RNF150: variants seen among roughly 807,000 people sequenced by gnomAD.
RNF150 encodes ring finger protein 150.
RNF150 carries 24 observed loss-of-function variants against 39.3 expected under a neutral mutation model. The observed-to-expected ratio is 0.61, with a 90% CI of 0.44 to 0.86. RNF150 has a LOEUF of 0.86. Ranked by LOEUF, RNF150 falls within the 40% of genes least tolerant of loss-of-function variation. RNF150 has a pLI of 0.00. For missense variants in RNF150, 502 were observed against 587.8 expected (o/e 0.85, Z 1.51); for synonymous variants, 255 against 227.3 (o/e 1.12, Z -1.10).
At chr4:141,101,138 T>C (rs1738994877) in intron 1 of RNF150, among the ~76,000 whole-genome samples, 2 of 152,350 alleles carry the variant, frequency 1.3e-5, no homozygotes, top group East Asian at 1.9e-4. Context: ...AATTATTCTG[T>C]CTTCAATAAT....
chr4:141,091,144 T>C (rs1738565209), intron 1 of RNF150, among the ~76,000 whole-genome samples: 1 of 152,214 alleles, frequency 6.6e-6, no homozygotes. Flanking sequence ...TCCAGCTCTG[T>C]TCCTTACTAG....
chr4:141,139,176 G>T (rs7669929), intron 1 of RNF150, among the ~76,000 whole-genome samples: 9 of 152,070 alleles, frequency 5.9e-5, no homozygotes, highest in African/African-American at 2.2e-4. Context: ...GACCAATCAC[G>T]CCACTGTACT....
intron 1 of RNF150, among the ~76,000 whole-genome samples, chr4:141,169,029 C>A (rs1162657200): frequency 1.3e-5 from 2 of 151,956 alleles, no homozygotes. Context: ...TTTGGAGGGG[C>A]CAGGGACAGA....
intron 1 of RNF150, among the ~76,000 whole-genome samples, chr4:141,034,090 C>T (rs1334462241): frequency 6.6e-6 from 1 of 152,158 alleles, no homozygotes; most frequent in Non-Finnish European, 1.5e-5. Flanking sequence ...GCACTTTCTT[C>T]CAGTGTAAGG....
At chr4:140,971,261 G>A (rs1407134968) in intron 1 of RNF150, among the ~76,000 whole-genome samples, 3 of 151,872 alleles carry the variant, frequency 2.0e-5, no homozygotes, top group Non-Finnish European at 4.4e-5. Context: ...TGGGTGTGAG[G>A]CAGGGAAGGA....
intron 1 of RNF150, among the ~76,000 whole-genome samples, chr4:141,013,935 T>C (rs1424674128): frequency 6.6e-6 from 1 of 152,180 alleles, no homozygotes; most frequent in Non-Finnish European, 1.5e-5. Flanking sequence ...CCATTCCTTA[T>C]GTCTAACTAA....
intron 1 of RNF150, among the ~76,000 whole-genome samples, chr4:141,028,545 T>C (rs769019328): frequency 6.6e-6 from 1 of 152,212 alleles, no homozygotes; most frequent in East Asian, 1.9e-4. Context: ...AAATGGAGTA[T>C]GAATTTTACT....
At chr4:140,988,400 C>A (rs374758831) in intron 1 of RNF150, among the ~76,000 whole-genome samples, 1 of 152,106 alleles carries the variant, frequency 6.6e-6, no homozygotes, top group South Asian at 2.1e-4. Flanking sequence ...TACATCTACA[C>A]TATAGCATGC....
In RNF150 at chr4:140,865,721, T is replaced by C. The variant is rs924177753; in HGVS notation, c.*2540A>G. Reference sequence around the variant, plus strand: ...CAGACCCCTCATCGTCTATGAGGCATCCTGTAAGTGCAGCTGTGGCCAGGG... The same window carrying C: ...CAGACCCCTCATCGTCTATGAGGCACCCTGTAAGTGCAGCTGTGGCCAGGG... On this transcript the variant is annotated 3_prime_UTR_variant, in exon 7 of 7. Coordinates refer to ENST00000515673, the MANE Select transcript of RNF150 (RefSeq NM_020724.2). 1 of 152,608 alleles carries C rather than the reference T, an allele frequency of 6.6e-6. No homozygotes were observed. Among genetic ancestry groups the C allele is most frequent in the Admixed American group, 6.5e-5 (1 of 15,274 alleles). The allele number at this position is 152,608 out of a possible 1,614,324, so 9.5% of individuals were successfully genotyped here.
At position 140,868,280 on chromosome 4, in the gene RNF150, C is replaced by T. The variant is rs77223655; in HGVS notation, c.1298G>A (p.Cys433Tyr). 3 of 1,596,416 alleles carry T rather than the reference C, an allele frequency of 1.9e-6. No homozygotes were observed. ...SDVELSTDQD[C>Y]EEVKS ...GTCGTTTCAAGATTTCACTTCTTCA[C>T]AGTCCTGGTCAGTGGAAAGTTCTAC... is the stretch of plus-strand genomic sequence containing the variant. The change falls in exon 7 of 7, where the codon TGT becomes TAT. Residue 433 changes from cysteine (C) to tyrosine (Y), a missense_variant. By Grantham distance (194) the Cys-to-Tyr change is radical. Transcript: ENST00000515673.
At chr4:141,061,114 C>G (rs1388864058) in intron 1 of RNF150, among the ~76,000 whole-genome samples, 1 of 151,572 alleles carries the variant, frequency 6.6e-6, no homozygotes, top group African/African-American at 2.4e-5. Flanking sequence ...TTCTGCACAT[C>G]TACCCCAGAA....
chr4:141,065,555 A>ATT (rs11380036), intron 1 of RNF150, among the ~76,000 whole-genome samples: 4,942 of 150,572 alleles, frequency 0.033, 294 homozygotes, highest in African/African-American at 0.11. Context: ...TTTATTTGTA[A>ATT]TTTTTTTTTT....
At chr4:140,926,640 C>T (rs1432065735) in intron 4 of RNF150, among the ~76,000 whole-genome samples, 16 of 152,164 alleles carry the variant, frequency 1.1e-4, no homozygotes, top group Admixed American at 6.5e-4. Context: ...CGTAGGTAGC[C>T]GTCATATCTG....
intron 4 of RNF150, among the ~76,000 whole-genome samples, chr4:140,930,022 G>A (rs995810293): frequency 4.6e-5 from 7 of 152,116 alleles, no homozygotes; most frequent in African/African-American, 1.4e-4. Context: ...CTAGCTGGGC[G>A]TGGTGTTGTG....
chr4:141,125,059 A>C (rs1019216187), intron 1 of RNF150, among the ~76,000 whole-genome samples: 22 of 152,330 alleles, frequency 1.4e-4, no homozygotes, highest in Non-Finnish European at 2.8e-4. Context: ...CTACTTATAG[A>C]AAGCAATTTA....
At position 141,012,024 on chromosome 4, in the gene RNF150, A is replaced by G. The variant is rs536529308; in HGVS notation, c.485-44151T>C. Among the ~76,000 whole-genome samples the G allele has an allele frequency of 9.8e-5, 15 of 152,362 alleles. No individual in the cohort carries two copies. In the South Asian group the frequency reaches 3.1e-3, roughly 32 times the overall value. ...TAAGTTTATAGCTGCATTCTGGTTA[A>G]CCTCATTCTTTTTTGAGTACAGCTA... is the stretch of plus-strand genomic sequence containing the variant. On this transcript the variant is annotated intron_variant, in intron 1 of 6. Coordinates refer to ENST00000515673, the MANE Select transcript of RNF150 (RefSeq NM_020724.2).
chr4:140,905,913 G>T (rs1730355238), intron 6 of RNF150, among the ~76,000 whole-genome samples: 1 of 152,080 alleles, frequency 6.6e-6, no homozygotes, highest in African/African-American at 2.4e-5. Context: ...CTACCCAAAA[G>T]GGGTTCCTGG....
chr4:140,869,262 T>C (rs1728835847), intron 6 of RNF150, among the ~76,000 whole-genome samples: 1 of 152,242 alleles, frequency 6.6e-6, no homozygotes, highest in Admixed American at 6.5e-5. Flanking sequence ...ACGTTCACAG[T>C]ATACTGTTAA....
rs1416287623 is a variant in RNF150, at chr4:140,967,656, C to T, written c.702G>A (p.Arg234=). The T allele has an allele frequency of 1.2e-6, 2 of 1,612,946 alleles. No homozygotes were observed. The highest frequency in any genetic ancestry group is 1.7e-6 in the Non-Finnish European group (2 of 1,179,266). Residue 234 remains arginine, a synonymous_variant, in exon 2 of 7, where the codon AGG becomes AGA. Transcript: ENST00000515673. ...TATCCCTGGCATTTGCATATCGAAA[C>T]CTCTGGATGTAATAAAAGACGAGCC... ...LAWLVFYYIQ[R]FRYANARDRN...
Sources: allele counts gnomAD v4.1 joint callset (sites outside exome capture counted in the v4.1 genomes callset), GRCh38; gene constraint gnomAD v4.1.1; transcripts MANE v1.5; gene names NCBI Gene and HGNC (gene_info 2026-07-23, HGNC 2026-07-21).